Variants in HSPA14 observed in about 807,000 individuals in gnomAD.
The protein encoded by HSPA14 is heat shock protein family A (Hsp70) member 14.
Under a neutral mutation model 65.5 loss-of-function variants are expected in HSPA14, and 37 were observed. The ratio of observed to expected loss-of-function variants is 0.56; its 90% CI spans 0.43 to 0.74. HSPA14 has a LOEUF of 0.74. Ranked by LOEUF, HSPA14 falls within the 30% of genes least tolerant of loss-of-function variation. The probability of loss-of-function intolerance (pLI) is 0.00; values close to 1 mark genes in which losing one functional copy is unlikely to be tolerated. For synonymous variants in HSPA14, 203 were observed against 214.2 expected (o/e 0.95, Z 0.46); for missense variants, 564 against 607.6 (o/e 0.93, Z 0.75).
Position 14,842,102 on chromosome 10 carries a change from C to T in HSPA14, c.221+1945C>T, listed in dbSNP as rs1244365650. 2 of 1,476,248 alleles carry T rather than the reference C, an allele frequency of 1.4e-6. 1 individual carries two copies. The highest frequency in any genetic ancestry group is 3.9e-5 in the Admixed American group (2 of 50,808). The allele number at this position is 1,476,248 out of a possible 1,614,324, so 91.4% of individuals were successfully genotyped here. ...CTGCCAAAATTATCCTTACACCCTT[C>T]CTGTAACTCTCATTCCCCTGTGGCC... On this transcript the variant is annotated intron_variant, in intron 3 of 13. Coordinates refer to ENST00000378372, the MANE Select transcript of HSPA14 (RefSeq NM_016299.4). This position sits in a 1 kb window ranked among gnomAD's most constrained non-coding sequence, Gnocchi z 5.2.
chr10:14,843,050 A>C (rs895984374), intron 3 of HSPA14, among the ~76,000 whole-genome samples: 1 of 152,184 alleles, frequency 6.6e-6, no homozygotes, highest in African/African-American at 2.4e-5. Flanking sequence ...AGGTATTAGA[A>C]CCCTTTAAAC....
At chr10:14,843,060 C>T (rs1250972194) in intron 3 of HSPA14, among the ~76,000 whole-genome samples, 1 of 152,174 alleles carries the variant, frequency 6.6e-6, no homozygotes, top group Non-Finnish European at 1.5e-5. Context: ...ACCCTTTAAA[C>T]CTAGAAGTGC....
At chr10:14,864,232 GAAAAA>G (rs1228351277) in intron 10 of HSPA14, among the ~76,000 whole-genome samples, 6 of 102,652 alleles carry the variant, frequency 5.8e-5, no homozygotes, top group Non-Finnish European at 8.1e-5. Flanking sequence ...TCTGTCTCCG[GAAAAA>G]AAAAAAAAAA....
rs61843033 is a variant in HSPA14, at chr10:14,846,755, G to C, written c.222-1854G>C. The C allele has an allele frequency of 6.5e-3, 6,401 of 985,420 alleles. 24 individuals are homozygous for C. The highest frequency in any genetic ancestry group is 7.2e-3 in the Non-Finnish European group (5,945 of 829,924). 61.0% of individuals were successfully genotyped at this position (985,420 alleles called of 1,614,324 possible). On this transcript the variant is annotated intron_variant, in intron 3 of 13. Transcript: ENST00000378372. ...ACTGTCATGTAACAAGTAGGGGAAA[G>C]ACTCTGGAGCACATTAGTGCTGGTG...
intron 7 of HSPA14, 124 bp downstream of exon 7, chr10:14,851,447 G>A: frequency 1.6e-6 from 1 of 635,494 alleles, no homozygotes. Context: ...TGGAAAAACA[G>A]ACTCTTGCCT....
At chr10:14,849,404 G>GTT (rs1834090455) in intron 5 of HSPA14, 2 of 512,612 alleles carry the variant, frequency 3.9e-6, no homozygotes, top group Non-Finnish European at 7.8e-6. Flanking sequence ...CTAACATTAT[G>GTT]ACGTTGTGTC....
At chr10:14,839,366 G>A (rs1833939155) in intron 1 of HSPA14, among the ~76,000 whole-genome samples, 1 of 152,174 alleles carries the variant, frequency 6.6e-6, no homozygotes, top group Admixed American at 6.5e-5. Context: ...GTGAGGTTAG[G>A]AGTTCTAGAC....
At chr10:14,845,597 T>C in intron 3 of HSPA14, 2 of 863,812 alleles carry the variant, frequency 2.3e-6, no homozygotes, top group Non-Finnish European at 2.8e-6. Flanking sequence ...CTATTATTAT[T>C]ATTTTTTTTT....
intron 10 of HSPA14, among the ~76,000 whole-genome samples, chr10:14,861,000 G>T (rs1220598277): frequency 6.6e-6 from 1 of 152,184 alleles, no homozygotes; most frequent in East Asian, 1.9e-4. Context: ...TTAAGGAAGG[G>T]AGAGAGCAGC....
intron 10 of HSPA14, among the ~76,000 whole-genome samples, chr10:14,861,390 A>G (rs536844721): frequency 9.2e-5 from 14 of 152,298 alleles, no homozygotes; most frequent in East Asian, 5.8e-4. Context: ...CTGTGGCTCA[A>G]TGTTACATCA....
intron 10 of HSPA14, among the ~76,000 whole-genome samples, chr10:14,863,837 A>G (rs533379355): frequency 7.2e-5 from 11 of 152,298 alleles, no homozygotes; most frequent in Admixed American, 3.3e-4. Flanking sequence ...CATCTCAGGA[A>G]GTAATTAAGG....
chr10:14,838,690 G>C, intron 1 of HSPA14: 1 of 492,120 alleles, frequency 2.0e-6, no homozygotes, highest in Non-Finnish European at 3.6e-6. Context: ...GTAGACGCGC[G>C]GGGTCCCAGG....
At position 14,870,686 on chromosome 10, in the gene HSPA14, G is replaced by C. The variant is rs766655127; in HGVS notation, c.1451+19G>C. 22 of 1,527,892 alleles carry C rather than the reference G, an allele frequency of 1.4e-5. No individual in the cohort carries two copies. The highest frequency in any genetic ancestry group is 1.9e-5 in the Non-Finnish European group (22 of 1,129,764). The allele number at this position is 1,527,892 out of a possible 1,614,324, so 94.6% of individuals were successfully genotyped here. A position where few individuals can be genotyped will look rare whatever the true frequency, so the allele number is the denominator to read the frequency against. ...TGAAAAGGTAAAAAATTAAACTTCT[G>C]TTGTTAAGAAAATTCAATTTGATAC... On this transcript the variant is annotated intron_variant, in intron 13 of 13. Transcript: ENST00000378372.
intron 3 of HSPA14, chr10:14,844,737 C>T (rs1384317962): frequency 2.1e-6 from 2 of 965,100 alleles, no homozygotes; most frequent in African/African-American, 3.5e-5. Flanking sequence ...TATGTAAATT[C>T]TTTGCATTTC....
At chr10:14,848,010 C>A (rs757611746) in intron 3 of HSPA14, among the ~76,000 whole-genome samples, 7 of 152,196 alleles carry the variant, frequency 4.6e-5, no homozygotes, top group Non-Finnish European at 7.3e-5. Context: ...TAATACCTGC[C>A]AAACACACCC....
intron 1 of HSPA14, among the ~76,000 whole-genome samples, chr10:14,838,792 TGTCCCGGGGG>T (rs1055777712): frequency 4.0e-5 from 6 of 151,894 alleles, no homozygotes; most frequent in Non-Finnish European, 7.4e-5. Flanking sequence ...GGCCGCTGGG[TGTCCCGGGGG>T]GTCCCGGGGA....
At chr10:14,843,935 G>C in intron 3 of HSPA14, 1 of 1,531,044 alleles carries the variant, frequency 6.5e-7, no homozygotes, top group East Asian at 2.4e-5. Context: ...ACTGGTAGAA[G>C]TCTAGTTCCC....
chr10:14,869,013 A>AT (rs1229758409), intron 12 of HSPA14, among the ~76,000 whole-genome samples: 1 of 151,448 alleles, frequency 6.6e-6, no homozygotes, highest in African/African-American at 2.4e-5. Flanking sequence ...CGTTCGTCTA[A>AT]TTTTTTGTAT....
rs944591423 is a variant in HSPA14 at position 14,867,905 on chromosome 10, C to T, written c.1376C>T (p.Ala459Val). The change falls in exon 12 of 14, where the codon GCA becomes GTA. Residue 459 changes from alanine to valine, a missense_variant. Transcript: ENST00000378372. The part of the protein sequence containing the change: ...KNSAKEETKF[A>V]QVVLQDLDKK... Reference sequence around the variant, plus strand: ...TCTGCCAAAGAGGAAACCAAGTTTGCACAGGTGAATACATAAAGTTAGACA... The same window carrying T: ...TCTGCCAAAGAGGAAACCAAGTTTGTACAGGTGAATACATAAAGTTAGACA... 2 of 1,612,392 alleles carry T rather than the reference C, an allele frequency of 1.2e-6. No individual in the cohort carries two copies. Among genetic ancestry groups the T allele is most frequent in the African/African-American group, 1.3e-5 (1 of 74,942 alleles).
Sources: gnomAD v4.1 joint callset for allele counts (sites outside exome capture counted in the v4.1 genomes callset) on GRCh38, gnomAD v4.1.1 for gene constraint, Gnocchi (gnomAD v3.1) non-coding constraint, MANE v1.5 for transcripts, NCBI Gene and HGNC (gene_info 2026-07-23, HGNC 2026-07-21) for gene names.